NRXN1: variants seen among roughly 807,000 people sequenced by gnomAD.
NRXN1 encodes the protein neurexin 1, also known as neurexin-1.
A neutral mutation model predicts 150.9 loss-of-function variants in NRXN1; 39 were observed. The observed-to-expected ratio is 0.26, with a 90% CI of 0.20 to 0.34. The LOEUF is 0.34. Among genes scored for constraint, NRXN1 ranks in the 10% least tolerant of loss-of-function variants. The pLI is 1.00. For synonymous variants in NRXN1, 924 were observed against 757.0 expected, an observed-to-expected ratio of 1.22 and a Z score of -3.62; for missense variants, 1,815 against 1,949.9, an observed-to-expected ratio of 0.93 and a Z score of 1.30.
At chr2:50,831,042 A>G (rs1445548253) in intron 5 of NRXN1, among the ~76,000 whole-genome samples, 2 of 152,212 alleles carry the variant, frequency 1.3e-5, no homozygotes, top group South Asian at 4.1e-4. Flanking sequence ...TAAGCACATC[A>G]TGGAAAATGG....
chr2:50,490,970 A>C (rs2091221093), intron 15 of NRXN1, among the ~76,000 whole-genome samples: 1 of 152,162 alleles, frequency 6.6e-6, no homozygotes, highest in African/African-American at 2.4e-5. Context: ...AAGTAACCTC[A>C]AACAGCAACA....
At chr2:50,723,993 A>G (rs142337975) in intron 5 of NRXN1, among the ~76,000 whole-genome samples, 69 of 152,244 alleles carry the variant, frequency 4.5e-4, no homozygotes, top group African/African-American at 1.6e-3. Flanking sequence ...TTTTCTCTCT[A>G]ATTTGTTTGG....
At chr2:50,275,012 C>G (rs915339459) in intron 17 of NRXN1, among the ~76,000 whole-genome samples, 4 of 152,092 alleles carry the variant, frequency 2.6e-5, no homozygotes, top group African/African-American at 7.2e-5. Flanking sequence ...AAGGTATTGA[C>G]CATGGTTTCT....
chr2:50,622,172 A>G (rs1236390796), intron 6 of NRXN1, among the ~76,000 whole-genome samples: 1 of 152,148 alleles, frequency 6.6e-6, no homozygotes, highest in East Asian at 1.9e-4. Context: ...TCCCATGTCA[A>G]TGAGGGATCT....
At chr2:50,898,690 G>C (rs1049425013) in intron 5 of NRXN1, 1 of 378,620 alleles carries the variant, frequency 2.6e-6, no homozygotes. Flanking sequence ...GAAATTAATT[G>C]CTTAATATAA....
In NRXN1 at chr2:50,986,263, G is replaced by C. The variant is rs181293985; in HGVS notation, c.772+41239C>G. 4.0e-5 allele frequency among the ~76,000 whole-genome samples: 6 copies of C among 151,750 alleles called. No individual in the cohort carries two copies. In the East Asian group the frequency reaches 1.2e-3, roughly 29 times the overall value. On this transcript the variant is annotated intron_variant, in intron 2 of 22. Coordinates refer to ENST00000401669, the MANE Select transcript of NRXN1 (RefSeq NM_001330078.2). The stretch of plus-strand genomic sequence containing the variant: ...GGTAATGCAAATATAAATTAGGAGA[G>C]ACTCTTGTAACGTAAATTGGCAGTA...
At chr2:49,983,867 C>T (rs563073519) in intron 21 of NRXN1, among the ~76,000 whole-genome samples, 8 of 152,156 alleles carry the variant, frequency 5.3e-5, no homozygotes, top group African/African-American at 1.9e-4. Flanking sequence ...TTTCTCTCTA[C>T]CAAAACTGGT....
chr2:50,484,198 T>C (rs529579874), intron 15 of NRXN1, among the ~76,000 whole-genome samples: 1 of 152,312 alleles, frequency 6.6e-6, no homozygotes, highest in African/African-American at 2.4e-5. Flanking sequence ...CCAAAGAGCT[T>C]TCAAAATATT....
intron 18 of NRXN1, among the ~76,000 whole-genome samples, chr2:50,159,855 A>G (rs79055968): frequency 0.19 from 29,388 of 152,154 alleles, 3,291 homozygotes; most frequent in East Asian, 0.41. Context: ...CAATTCCAAA[A>G]ATATTTTGAA....
intron 2 of NRXN1, among the ~76,000 whole-genome samples, chr2:50,990,300 A>C (rs1255536791): frequency 1.3e-5 from 2 of 152,038 alleles, no homozygotes; most frequent in Non-Finnish European, 2.9e-5. Flanking sequence ...GTGCTAAAAA[A>C]ATCAATTTTT....
intron 12 of NRXN1, among the ~76,000 whole-genome samples, chr2:50,514,911 C>A (rs1010147511): frequency 6.6e-6 from 1 of 152,120 alleles, no homozygotes; most frequent in Non-Finnish European, 1.5e-5. Flanking sequence ...TACTAATTCT[C>A]CTAACTTTTT....
At chr2:51,014,625 A>G (rs921124930) in intron 2 of NRXN1, among the ~76,000 whole-genome samples, 4 of 152,082 alleles carry the variant, frequency 2.6e-5, no homozygotes, top group Admixed American at 1.3e-4. Context: ...TATTTTATAA[A>G]TAAAAAAGAA....
At chr2:50,525,759 T>C (rs2092934367) in intron 12 of NRXN1, among the ~76,000 whole-genome samples, 1 of 152,206 alleles carries the variant, frequency 6.6e-6, no homozygotes. Context: ...TATTTTTAAA[T>C]GAAAAGAGGC....
chr2:50,654,983 C>T (rs964247789), intron 5 of NRXN1, among the ~76,000 whole-genome samples: 6 of 151,800 alleles, frequency 4.0e-5, no homozygotes, highest in Non-Finnish European at 5.9e-5. Flanking sequence ...AAGCAAGGAA[C>T]AAAAGAATAA....
intron 5 of NRXN1, among the ~76,000 whole-genome samples, chr2:50,870,827 A>G (rs1270862507): frequency 6.6e-6 from 1 of 151,746 alleles, no homozygotes; most frequent in Non-Finnish European, 1.5e-5. Context: ...AGCATATACA[A>G]TTTATCATCA....
At chr2:49,972,530 T>A (rs1351466469) in intron 21 of NRXN1, 1 of 152,146 alleles carries the variant, frequency 6.6e-6, no homozygotes. Flanking sequence ...GTCTAGTAAA[T>A]AAGTTTAGTA....
chr2:50,702,619 T>C (rs997209972), intron 5 of NRXN1, among the ~76,000 whole-genome samples: 15 of 152,252 alleles, frequency 9.9e-5, no homozygotes, highest in South Asian at 2.1e-4. Flanking sequence ...CAGTATTTCA[T>C]ACTTTTCTTG....
At chr2:50,975,896 T>C (rs956182659) in intron 2 of NRXN1, among the ~76,000 whole-genome samples, 20 of 152,052 alleles carry the variant, frequency 1.3e-4, no homozygotes, top group African/African-American at 4.8e-4. Context: ...GAAATTGTGT[T>C]TTGTTCTCTA....
chr2:50,610,865 T>C (rs946500002), intron 8 of NRXN1, among the ~76,000 whole-genome samples: 2 of 149,108 alleles, frequency 1.3e-5, no homozygotes, highest in African/African-American at 5.0e-5. Context: ...CGATTTCGGC[T>C]CACTGCAACC....
Sources: allele counts gnomAD v4.1 joint callset (sites outside exome capture counted in the v4.1 genomes callset), GRCh38; gene constraint gnomAD v4.1.1; transcripts MANE v1.5; gene names NCBI Gene and HGNC (gene_info 2026-07-23, HGNC 2026-07-21).